HOMER1: variants seen among roughly 807,000 people sequenced by gnomAD.
HOMER1 encodes homer protein homolog 1.
In HOMER1, 3 loss-of-function variants were observed where a neutral mutation model predicts 48.9. The ratio of observed to expected loss-of-function variants is 0.06; its 90% CI spans 0.03 to 0.16. HOMER1 has a LOEUF of 0.16. Among genes scored for constraint, HOMER1 ranks in the 10% least tolerant of loss-of-function variants. The pLI, the probability that HOMER1 is intolerant of heterozygous loss-of-function variation, is 1.00. For synonymous variants in HOMER1, 134 were observed against 146.4 expected, an observed-to-expected ratio of 0.92 and a Z score of 0.61; for missense variants, 247 against 411.4, an observed-to-expected ratio of 0.60 and a Z score of 3.46.
chr5:79,420,824 T>G (rs185927546), intron 5 of HOMER1, among the ~76,000 whole-genome samples: 125 of 152,284 alleles, frequency 8.2e-4, no homozygotes, highest in Non-Finnish European at 1.4e-3. Flanking sequence ...CTTATTCACC[T>G]TTCACCTGGC....
At chr5:79,409,154 C>A (rs1473157856) in intron 5 of HOMER1, among the ~76,000 whole-genome samples, 2 of 147,120 alleles carry the variant, frequency 1.4e-5, no homozygotes, top group Non-Finnish European at 3.0e-5. Context: ...ATGTAATGAC[C>A]AGGCATGGTG....
Position 79,379,109 on chromosome 5 carries a change from TATATAAAATATATAA to T in HOMER1, c.877-2927_877-2913del, listed in dbSNP as rs1342334151. The stretch of plus-strand genomic sequence containing the variant: ...ATATATATATATATATATATATATA[TATATAAAATATATAA>T]ATATTTATTTATATATAAAAATTAT... On this transcript the variant is annotated intron_variant, in intron 8 of 8. Transcript: ENST00000334082. Among the ~76,000 whole-genome samples the T allele has an allele frequency of 1.0e-3, 94 of 93,188 alleles. 3 individuals are homozygous for T. The highest frequency in any genetic ancestry group is 4.2e-3 in the African/African-American group (89 of 21,248). 61.1% of individuals were successfully genotyped at this position (93,188 alleles called of 152,430 possible). A position where few individuals can be genotyped will look rare whatever the true frequency, so the allele number is the denominator to read the frequency against.
At chr5:79,470,474 C>A (rs1465754231) in intron 1 of HOMER1, among the ~76,000 whole-genome samples, 4 of 152,140 alleles carry the variant, frequency 2.6e-5, no homozygotes, top group Non-Finnish European at 5.9e-5. Context: ...TTCTGTGAAG[C>A]AGATACACAA....
intron 4 of HOMER1, among the ~76,000 whole-genome samples, chr5:79,441,534 A>G (rs1434688176): frequency 6.6e-6 from 1 of 152,202 alleles, no homozygotes; most frequent in Non-Finnish European, 1.5e-5. Context: ...GTTTTTCTTC[A>G]GAAAACTTGA....
chr5:79,397,035 T>C (rs1476758917), intron 7 of HOMER1, 132 bp from the exon 8 acceptor site: 3 of 577,662 alleles, frequency 5.2e-6, no homozygotes, highest in Admixed American at 3.3e-5. Flanking sequence ...TATTGACTTT[T>C]AGAGGGATGA....
chr5:79,411,279 G>C (rs1052429036), intron 5 of HOMER1, among the ~76,000 whole-genome samples: 1 of 152,166 alleles, frequency 6.6e-6, no homozygotes, highest in African/African-American at 2.4e-5. Context: ...GAGCTCAGGA[G>C]TTCGAGGCCA....
rs1211041904 is a variant in HOMER1 at position 79,379,774 on chromosome 5, CT to C, written c.877-3578del. Among the ~76,000 whole-genome samples the C allele has an allele frequency of 8.6e-5, 13 of 151,784 alleles. No homozygotes were observed. In the East Asian group the frequency reaches 2.5e-3, roughly 29 times the overall value. On this transcript the variant is annotated intron_variant, in intron 8 of 8. Coordinates refer to ENST00000334082, the MANE Select transcript of HOMER1 (RefSeq NM_004272.5). Reference sequence around the variant, plus strand: ...CTTTCATTCTCCTTCCAAACTCATTCTTCTGCTCATTATCATTTTGGCTCTG... The same window carrying C: ...CTTTCATTCTCCTTCCAAACTCATTCTCTGCTCATTATCATTTTGGCTCTG...
intron 1 of HOMER1, among the ~76,000 whole-genome samples, chr5:79,496,397 C>G (rs1390174683): frequency 6.6e-6 from 1 of 152,182 alleles, no homozygotes; most frequent in Non-Finnish European, 1.5e-5. Flanking sequence ...TTTCAGATTA[C>G]AGCAGATGAT....
At chr5:79,416,764 C>G (rs1749954313) in intron 5 of HOMER1, among the ~76,000 whole-genome samples, 2 of 152,180 alleles carry the variant, frequency 1.3e-5, no homozygotes, top group Non-Finnish European at 2.9e-5. Context: ...ACTTTGTATC[C>G]TCGCTGCTGG....
intron 5 of HOMER1, among the ~76,000 whole-genome samples, chr5:79,434,298 T>C (rs1366595700): frequency 2.6e-5 from 4 of 152,006 alleles, no homozygotes; most frequent in African/African-American, 4.8e-5. Context: ...ATTTCCAAGA[T>C]AATTTTCAGT....
chr5:79,394,798 G>C (rs1229349921), intron 8 of HOMER1, among the ~76,000 whole-genome samples: 2 of 152,094 alleles, frequency 1.3e-5, no homozygotes, highest in Non-Finnish European at 2.9e-5. Context: ...TTGAACTCCT[G>C]GCCTCAAGAG....
chr5:79,510,961 T>C (rs1752926382), intron 1 of HOMER1: 2 of 499,400 alleles, frequency 4.0e-6, no homozygotes, highest in South Asian at 3.6e-5. Context: ...GCCATCTGCA[T>C]GGGGCTGTGG....
chr5:79,451,201 A>G, intron 2 of HOMER1, 80 bp from the exon 3 acceptor site: 2 of 1,437,934 alleles, frequency 1.4e-6, no homozygotes, highest in Middle Eastern at 1.8e-4. Context: ...CAGTTACATA[A>G]AAGCTTAAGA....
chr5:79,433,066 A>G (rs1390197116), intron 5 of HOMER1, among the ~76,000 whole-genome samples: 1 of 152,196 alleles, frequency 6.6e-6, no homozygotes, highest in African/African-American at 2.4e-5. Flanking sequence ...CCAGCTTTAC[A>G]TACAGTCCAC....
chr5:79,468,581 C>T (rs887166145), intron 1 of HOMER1, among the ~76,000 whole-genome samples: 8 of 152,134 alleles, frequency 5.3e-5, no homozygotes, highest in Admixed American at 2.6e-4. Flanking sequence ...TAGTGGAGAA[C>T]GTTGGACTAG....
intron 1 of HOMER1, among the ~76,000 whole-genome samples, chr5:79,499,048 A>C (rs1561388159): frequency 1.3e-5 from 2 of 151,914 alleles, no homozygotes; most frequent in Non-Finnish European, 2.9e-5. Context: ...GTTGGCCAGG[A>C]TGGTCTTGAT....
chr5:79,465,838 C>T (rs573124742), intron 1 of HOMER1, among the ~76,000 whole-genome samples: 3 of 151,902 alleles, frequency 2.0e-5, no homozygotes, highest in East Asian at 1.9e-4. Flanking sequence ...CGTGATCCGC[C>T]GGCCTCAGCC....
At chr5:79,462,890 G>A (rs768734795) in intron 1 of HOMER1, among the ~76,000 whole-genome samples, 3 of 152,206 alleles carry the variant, frequency 2.0e-5, no homozygotes, top group Non-Finnish European at 4.4e-5. Flanking sequence ...AAGAGAAATT[G>A]TACATTTCCT....
chr5:79,466,606 T>G (rs1751472037), intron 1 of HOMER1, among the ~76,000 whole-genome samples: 1 of 152,094 alleles, frequency 6.6e-6, no homozygotes, highest in African/African-American at 2.4e-5. Context: ...TGATTTCCAC[T>G]AACTCAAGCT....
Sources: allele counts gnomAD v4.1 joint callset (sites outside exome capture counted in the v4.1 genomes callset), GRCh38; gene constraint gnomAD v4.1.1; transcripts MANE v1.5; gene names NCBI Gene and HGNC (gene_info 2026-07-23, HGNC 2026-07-21).